Variants in GRID2 observed in about 807,000 individuals in gnomAD.
GRID2 encodes the protein glutamate ionotropic receptor delta type subunit 2, also known as glutamate receptor ionotropic, delta-2.
In GRID2, 33 loss-of-function variants were observed where a neutral mutation model predicts 114.8. That is an observed-to-expected ratio of 0.29 (90% CI 0.22 to 0.38). The LOEUF is 0.38. Among genes scored for constraint, GRID2 ranks in the 10% least tolerant of loss-of-function variants. The pLI is 1.00. For missense variants in GRID2, 1,184 were observed against 1,257.7 expected, an observed-to-expected ratio of 0.94 and a Z score of 0.89; for synonymous variants, 505 against 449.9, an observed-to-expected ratio of 1.12 and a Z score of -1.55.
At chr4:93,439,072 C>T (rs1225428510) in intron 10 of GRID2, among the ~76,000 whole-genome samples, 5 of 152,028 alleles carry the variant, frequency 3.3e-5, no homozygotes, top group Non-Finnish European at 5.9e-5. Context: ...TTTCTTAATC[C>T]AGTCTATCGT....
chr4:92,856,851 T>A (rs188416253), intron 2 of GRID2, among the ~76,000 whole-genome samples: 12 of 152,258 alleles, frequency 7.9e-5, no homozygotes, highest in South Asian at 6.2e-4. Flanking sequence ...GAACTTTTTT[T>A]AAAAAATTGG....
intron 1 of GRID2, among the ~76,000 whole-genome samples, chr4:92,510,931 G>A (rs537696091): frequency 4.0e-5 from 6 of 150,864 alleles, no homozygotes; most frequent in East Asian, 3.9e-4. Context: ...AACCAGGAGC[G>A]TGATGTCTTA....
intron 14 of GRID2, among the ~76,000 whole-genome samples, chr4:93,633,459 G>C (rs1167966056): frequency 6.6e-6 from 1 of 152,028 alleles, no homozygotes; most frequent in African/African-American, 2.4e-5. Context: ...TCACACGTGT[G>C]TTTGTACATC....
At chr4:93,525,812 G>GA (rs1278432916) in intron 13 of GRID2, among the ~76,000 whole-genome samples, 1 of 152,034 alleles carries the variant, frequency 6.6e-6, no homozygotes, top group Non-Finnish European at 1.5e-5. Flanking sequence ...ATACCCAAGT[G>GA]AAAAAATTCT....
intron 13 of GRID2, among the ~76,000 whole-genome samples, chr4:93,618,106 T>C (rs1366242108): frequency 6.6e-6 from 1 of 152,222 alleles, no homozygotes; most frequent in Non-Finnish European, 1.5e-5. Flanking sequence ...ATTGTCACCC[T>C]AGCTCTTCCT....
intron 7 of GRID2, among the ~76,000 whole-genome samples, 175 bp downstream of exon 7, chr4:93,224,950 A>G (rs1047863100): frequency 6.6e-6 from 1 of 152,124 alleles, no homozygotes; most frequent in Admixed American, 6.6e-5. Context: ...TAAAAAGGGG[A>G]GGCTTCCTTA....
chr4:92,855,137 G>A (rs1033368862), intron 2 of GRID2, among the ~76,000 whole-genome samples: 1 of 151,996 alleles, frequency 6.6e-6, no homozygotes, highest in Non-Finnish European at 1.5e-5. Flanking sequence ...CTAGCATTGT[G>A]AGACTACTTC....
intron 13 of GRID2, among the ~76,000 whole-genome samples, chr4:93,582,620 A>G (rs1293982751): frequency 6.6e-6 from 1 of 152,202 alleles, no homozygotes; most frequent in African/African-American, 2.4e-5. Context: ...TTTGCCTAAA[A>G]TAAATATAAT....
At chr4:92,884,077 C>T (rs937328712) in intron 2 of GRID2, among the ~76,000 whole-genome samples, 2 of 152,166 alleles carry the variant, frequency 1.3e-5, no homozygotes, top group Non-Finnish European at 2.9e-5. Flanking sequence ...TCGGTTTAGC[C>T]ACTTCATCTA....
chr4:93,146,058 A>C (rs531840174), intron 4 of GRID2, among the ~76,000 whole-genome samples: 41 of 152,116 alleles, frequency 2.7e-4, no homozygotes, highest in Non-Finnish European at 5.3e-4. Context: ...TCAATTTTTA[A>C]ATTAGATTAA....
At chr4:93,400,651 C>T (rs1189606727) in intron 9 of GRID2, among the ~76,000 whole-genome samples, 1 of 152,018 alleles carries the variant, frequency 6.6e-6, no homozygotes, top group Non-Finnish European at 1.5e-5. Context: ...GCGTGCGAAG[C>T]TATGCTGCAA....
chr4:93,685,837 A>T (rs1726028681), intron 14 of GRID2, among the ~76,000 whole-genome samples: 1 of 152,038 alleles, frequency 6.6e-6, no homozygotes, highest in Non-Finnish European at 1.5e-5. Context: ...TACATTCTGT[A>T]TACAAATTCT....
intron 2 of GRID2, among the ~76,000 whole-genome samples, chr4:92,830,306 T>A (rs985448263): frequency 8.6e-5 from 13 of 151,892 alleles, no homozygotes; most frequent in African/African-American, 2.7e-4. Flanking sequence ...TTTTTTTTTT[T>A]TTATTCTGAA....
At chr4:92,478,628 A>G (rs916489678) in intron 1 of GRID2, among the ~76,000 whole-genome samples, 1 of 152,176 alleles carries the variant, frequency 6.6e-6, no homozygotes, top group Non-Finnish European at 1.5e-5. Flanking sequence ...TTGCCAAAGC[A>G]AAAGTATGAA....
chr4:92,507,879 T>C (rs1724054583), intron 1 of GRID2, among the ~76,000 whole-genome samples: 1 of 151,956 alleles, frequency 6.6e-6, no homozygotes. Flanking sequence ...TAGCAAGCCC[T>C]TTCATATGGT....
chr4:93,298,859 G>C (rs1394994266), intron 8 of GRID2, among the ~76,000 whole-genome samples: 1 of 152,152 alleles, frequency 6.6e-6, no homozygotes, highest in East Asian at 1.9e-4. Context: ...GAAGATACAT[G>C]GCATCTGCTT....
At position 93,637,678 on chromosome 4, in the gene GRID2, T is replaced by C. The variant is rs1721536559; in HGVS notation, c.2360+11243T>C. Among the ~76,000 whole-genome samples the C allele has an allele frequency of 2.6e-5, 4 of 152,308 alleles. No homozygotes were observed. The South Asian group carries it at 8.3e-4, about 32-fold the overall frequency. ...GAAATTGAAACTGTCTTGCATCAGC[T>C]GACCAGAAGTAAATATATTGAAAAT... On this transcript the variant is annotated intron_variant, in intron 14 of 15. Coordinates refer to ENST00000282020, the MANE Select transcript of GRID2 (RefSeq NM_001510.4).
At chr4:93,071,055 A>G (rs1728765781) in intron 2 of GRID2, among the ~76,000 whole-genome samples, 2 of 152,130 alleles carry the variant, frequency 1.3e-5, no homozygotes, top group African/African-American at 2.4e-5. Flanking sequence ...AAGAATATCA[A>G]TATTTTCAAA....
intron 1 of GRID2, among the ~76,000 whole-genome samples, chr4:92,502,501 T>A (rs1026862421): frequency 6.6e-6 from 1 of 152,050 alleles, no homozygotes; most frequent in African/African-American, 2.4e-5. Flanking sequence ...TGCAACTACA[T>A]GATACATTAG....
Sources: allele counts gnomAD v4.1 joint callset (sites outside exome capture counted in the v4.1 genomes callset), GRCh38; gene constraint gnomAD v4.1.1; transcripts MANE v1.5; gene names NCBI Gene and HGNC (gene_info 2026-07-23, HGNC 2026-07-21).